The following TRAPPC12 variants were observed in gnomAD, a reference collection of about 807,000 sequenced individuals.
TRAPPC12 encodes the protein trafficking protein particle complex subunit 12.
In TRAPPC12, 61 loss-of-function variants were observed where a neutral mutation model predicts 69.2. The observed-to-expected ratio is 0.88, with a 90% CI of 0.72 to 1.09. TRAPPC12 has a LOEUF of 1.09. Ranked by LOEUF, TRAPPC12 falls within the 50% of genes least tolerant of loss-of-function variation. The pLI, the probability that TRAPPC12 is intolerant of heterozygous loss-of-function variation, is 0.00. For missense variants in TRAPPC12, 1,101 were observed against 1,016.4 expected (o/e 1.08, Z -1.13); for synonymous variants, 469 against 438.9 (o/e 1.07, Z -0.86).
intron 2 of TRAPPC12, among the ~76,000 whole-genome samples, chr2:3,397,814 T>C (rs1246538985): frequency 6.6e-6 from 1 of 152,214 alleles, no homozygotes; most frequent in Non-Finnish European, 1.5e-5. Context: ...AATAAGAATG[T>C]TGGGAAAGCA....
At chr2:3,391,448 G>T (rs1263157502) in intron 2 of TRAPPC12, among the ~76,000 whole-genome samples, 3 of 152,196 alleles carry the variant, frequency 2.0e-5, no homozygotes. Context: ...CTAGAGAAAT[G>T]AAGCCAATTA....
At chr2:3,457,274 C>A (rs916288421) in intron 6 of TRAPPC12, 2 of 429,468 alleles carry the variant, frequency 4.7e-6, no homozygotes, top group Non-Finnish European at 9.1e-6. Context: ...AAAAAATAGA[C>A]CAGAGACTAC....
rs1660614377 is a variant in TRAPPC12 at position 3,388,326 on chromosome 2, G to A, written c.703G>A (p.Val235Ile). 4 of 1,602,478 alleles carry A rather than the reference G, an allele frequency of 2.5e-6. No individual in the cohort carries two copies. The highest frequency in any genetic ancestry group is 2.2e-5 in the South Asian group (2 of 89,880). Residue 235 changes from valine (V) to isoleucine (I), a missense_variant, in exon 2 of 12, where the codon GTC becomes ATC. Transcript: ENST00000324266. ...DSFTTSAFISVSNPGAGSPAP... is the reference protein window; with the variant it reads ...DSFTTSAFISISNPGAGSPAP... ...CTTTACTACCTCCGCCTTCATTTCC[G>A]TCAGCAATCCCGGCGCGGGCTCCCC...
intron 6 of TRAPPC12, among the ~76,000 whole-genome samples, chr2:3,450,795 T>C (rs9309710): frequency 0.58 from 87,414 of 151,868 alleles, 25,451 homozygotes; most frequent in African/African-American, 0.66. Flanking sequence ...TCTCAGGTCC[T>C]TGGCTTAGTG....
intron 5 of TRAPPC12, among the ~76,000 whole-genome samples, chr2:3,434,099 CA>C (rs1320507179): frequency 6.6e-6 from 1 of 152,156 alleles, no homozygotes; most frequent in Non-Finnish European, 1.5e-5. Context: ...TACTTAAGAA[CA>C]AAAGTATGAA....
In TRAPPC12 at chr2:3,387,696, G is replaced by T. The variant is rs141031127; in HGVS notation, c.73G>T (p.Glu25Ter). 51 of 1,579,606 alleles carry T rather than the reference G, an allele frequency of 3.2e-5. No homozygotes were observed. In the African/African-American group the frequency reaches 6.4e-4, roughly 20 times the overall value. The change falls in exon 2 of 12, where the codon GAG (glutamate) becomes TAG (stop). Residue 25 changes from glutamate to a stop codon, truncating the protein, a stop_gained. Transcript: ENST00000324266. LOFTEE classifies it high-confidence loss of function. ...GCACCCCCCTCAGCTCGCGCCTCCG[G>T]AGGAGCAGGGGTTGCTCTTCCAGGA... ...APHPPQLAPP[E>*]EQGLLFQEET... is the part of the protein sequence containing the mutation.
intron 2 of TRAPPC12, among the ~76,000 whole-genome samples, chr2:3,400,823 G>T (rs951326062): frequency 1.3e-5 from 2 of 152,208 alleles, no homozygotes; most frequent in African/African-American, 4.8e-5. Flanking sequence ...ACTCCCGAGG[G>T]TCATGAAGGC....
intron 1 of TRAPPC12, among the ~76,000 whole-genome samples, chr2:3,380,913 T>C (rs1429481296): frequency 2.0e-5 from 3 of 152,252 alleles, no homozygotes; most frequent in Non-Finnish European, 4.4e-5. Flanking sequence ...TTTCAGAGGT[T>C]ACTTCACTTG....
chr2:3,395,297 A>C (rs559446199), intron 2 of TRAPPC12, among the ~76,000 whole-genome samples: 5 of 152,184 alleles, frequency 3.3e-5, no homozygotes, highest in Admixed American at 1.3e-4. Flanking sequence ...ATCTTTATAG[A>C]GCATCTCTTC....
intron 3 of TRAPPC12, among the ~76,000 whole-genome samples, chr2:3,415,417 T>TTCTTC (rs796103168): frequency 6.6e-5 from 10 of 152,226 alleles, no homozygotes; most frequent in African/African-American, 2.2e-4. Flanking sequence ...TTCTTTTCTT[T>TTCTTC]TCTTTTGAGA....
intron 7 of TRAPPC12, among the ~76,000 whole-genome samples, chr2:3,458,639 A>G (rs1665312524): frequency 6.6e-6 from 1 of 152,186 alleles, no homozygotes; most frequent in Admixed American, 6.5e-5. Context: ...AGGTAGAGTA[A>G]CAAGGTCTGA....
chr2:3,471,486 C>G (rs1199491575), intron 9 of TRAPPC12, among the ~76,000 whole-genome samples: 2 of 152,184 alleles, frequency 1.3e-5, no homozygotes, highest in Non-Finnish European at 2.9e-5. Context: ...TCCACAGTCC[C>G]TTCATCTTCA....
intron 3 of TRAPPC12, 116 bp downstream of exon 3, chr2:3,402,009 GT>G (rs1661470897): frequency 1.4e-6 from 1 of 724,348 alleles, no homozygotes; most frequent in Non-Finnish European, 2.2e-6. Flanking sequence ...TTGCACATAA[GT>G]AGAATTTTGT....
intron 9 of TRAPPC12, among the ~76,000 whole-genome samples, chr2:3,475,248 A>G (rs1454528106): frequency 7.0e-6 from 1 of 142,750 alleles, no homozygotes; most frequent in Non-Finnish European, 1.5e-5. Context: ...TTACGGCCAC[A>G]CCTGGTGCTT....
At chr2:3,409,780 G>GAAAAA (rs1661950935) in intron 3 of TRAPPC12, among the ~76,000 whole-genome samples, 5 of 130,924 alleles carry the variant, frequency 3.8e-5, no homozygotes, top group African/African-American at 8.6e-5. Flanking sequence ...AAAAAAAAAG[G>GAAAAA]GGAAGAAATG....
chr2:3,469,363 T>A (rs1665963689), intron 9 of TRAPPC12, among the ~76,000 whole-genome samples: 1 of 152,212 alleles, frequency 6.6e-6, no homozygotes, highest in Admixed American at 6.5e-5. Flanking sequence ...GAAATACGTA[T>A]ATTAGTAACT....
In TRAPPC12 at chr2:3,434,206, C is replaced by T. The variant is rs547379313; in HGVS notation, c.1417+9543C>T. 2.0e-5 allele frequency among the ~76,000 whole-genome samples: 3 copies of T among 152,356 alleles called. No homozygotes were observed. In the South Asian group the frequency reaches 6.2e-4, roughly 32 times the overall value. On this transcript the variant is annotated intron_variant, in intron 5 of 11. Transcript: ENST00000324266. ...TGGCTGTCATTGTGTGCACCCAGTG[C>T]AGGCCCTCCTGCGCAGCGCTAGGAG...
intron 6 of TRAPPC12, among the ~76,000 whole-genome samples, chr2:3,448,814 G>C (rs1418451089): frequency 6.6e-6 from 1 of 152,202 alleles, no homozygotes; most frequent in Middle Eastern, 3.2e-3. Flanking sequence ...CCGGGCCGAG[G>C]CTCCTGGTAA....
intron 1 of TRAPPC12, among the ~76,000 whole-genome samples, chr2:3,383,868 CTTGTTTTTTTTTTTTTTTTTT>C (rs1660352083): frequency 2.4e-5 from 2 of 84,752 alleles, no homozygotes; most frequent in South Asian, 4.0e-4. Flanking sequence ...ATAGTTCAGT[CTTGTTTTTTTTTTTTTTTTTT>C]TTTTTTTTTT....
Sources: gnomAD v4.1 joint callset for allele counts (sites outside exome capture counted in the v4.1 genomes callset) on GRCh38, gnomAD v4.1.1 for gene constraint, MANE v1.5 for transcripts, NCBI Gene and HGNC (gene_info 2026-07-23, HGNC 2026-07-21) for gene names.